NEK1: variants seen among roughly 807,000 people sequenced by gnomAD.
NEK1 encodes the protein NIMA related kinase 1.
A neutral mutation model predicts 182.1 loss-of-function variants in NEK1; 137 were observed. That is an observed-to-expected ratio of 0.75 (90% CI 0.65 to 0.87). NEK1 has a LOEUF of 0.87. Ranked by LOEUF, NEK1 falls within the 40% of genes least tolerant of loss-of-function variation. NEK1 has a pLI of 0.00. For missense variants in NEK1, 1,391 were observed against 1,494.4 expected, an observed-to-expected ratio of 0.93 and a Z score of 1.14; for synonymous variants, 513 against 492.2, an observed-to-expected ratio of 1.04 and a Z score of -0.56.
intron 23 of NEK1, among the ~76,000 whole-genome samples, chr4:169,495,019 A>T (rs927810045): frequency 1.3e-5 from 2 of 151,768 alleles, no homozygotes; most frequent in Admixed American, 1.3e-4. Flanking sequence ...GGTTGCAAAA[A>T]TTTTCTCCCA....
At chr4:169,445,015 A>C (rs1010000314) in intron 27 of NEK1, among the ~76,000 whole-genome samples, 2 of 152,218 alleles carry the variant, frequency 1.3e-5, no homozygotes, top group African/African-American at 4.8e-5. Context: ...GAGTCAACGA[A>C]GAAATTAAGA....
intron 16 of NEK1, among the ~76,000 whole-genome samples, chr4:169,556,682 C>A (rs1762200247): frequency 6.8e-6 from 1 of 146,016 alleles, no homozygotes; most frequent in Non-Finnish European, 1.5e-5. Context: ...CTATGGTAAA[C>A]AAGTGACAAC....
chr4:169,556,875 T>C (rs1762239050), intron 16 of NEK1, among the ~76,000 whole-genome samples: 1 of 151,968 alleles, frequency 6.6e-6, no homozygotes, highest in Non-Finnish European at 1.5e-5. Context: ...AAATAATCAA[T>C]GTATGTATAT....
chr4:169,417,243 G>A (rs1734692808), intron 31 of NEK1, among the ~76,000 whole-genome samples: 1 of 152,208 alleles, frequency 6.6e-6, no homozygotes, highest in Non-Finnish European at 1.5e-5. Flanking sequence ...AAAGGAAAAT[G>A]TTAGAATGAG....
In NEK1 at chr4:169,496,212, A is replaced by G. The variant is rs567750220; in HGVS notation, c.2007+10825T>C. 4.9e-3 allele frequency among the ~76,000 whole-genome samples: 746 copies of G among 152,096 alleles called. 3 individuals are homozygous for G. Among genetic ancestry groups the G allele is most frequent in the Non-Finnish European group, 8.4e-3 (569 of 68,010 alleles). On this transcript the variant is annotated intron_variant, in intron 23 of 35. Transcript: ENST00000507142. ...TGATTTGGCTCTCTGTTTGTCTGTT[A>G]TTGGTGTATAAGACTGCTTGTGATT...
At chr4:169,447,860 C>G (rs1234110008) in intron 27 of NEK1, among the ~76,000 whole-genome samples, 1 of 151,952 alleles carries the variant, frequency 6.6e-6, no homozygotes, top group East Asian at 1.9e-4. Flanking sequence ...CGGAGTGAGA[C>G]TCTGTCTCAA....
intron 29 of NEK1, among the ~76,000 whole-genome samples, chr4:169,432,129 T>C (rs79176111): frequency 1.6e-3 from 244 of 152,176 alleles, no homozygotes; most frequent in South Asian, 6.8e-3. Flanking sequence ...AAATGAAACT[T>C]ACATTTGAAA....
intron 5 of NEK1, among the ~76,000 whole-genome samples, chr4:169,591,277 T>C (rs1308682679): frequency 6.6e-6 from 1 of 151,856 alleles, no homozygotes; most frequent in Non-Finnish European, 1.5e-5. Context: ...TCCGAGGGAC[T>C]AGGACTATAG....
intron 19 of NEK1, among the ~76,000 whole-genome samples, chr4:169,512,396 C>T (rs1355634868): frequency 6.6e-6 from 1 of 151,996 alleles, no homozygotes; most frequent in Non-Finnish European, 1.5e-5. Flanking sequence ...TGTTACCTGC[C>T]ATATGTATAT....
At chr4:169,583,705 C>CA (rs1262190004) in intron 10 of NEK1, among the ~76,000 whole-genome samples, 3 of 151,900 alleles carry the variant, frequency 2.0e-5, no homozygotes, top group Admixed American at 6.6e-5. Context: ...TAGTGGCTGC[C>CA]AAAAAAACAA....
At chr4:169,504,350 C>T (rs1327346009) in intron 23 of NEK1, among the ~76,000 whole-genome samples, 9 of 152,128 alleles carry the variant, frequency 5.9e-5, no homozygotes. Flanking sequence ...AAAAATAGAA[C>T]TACCATACAA....
intron 23 of NEK1, among the ~76,000 whole-genome samples, chr4:169,498,724 A>G (rs1330356628): frequency 6.6e-6 from 1 of 152,210 alleles, no homozygotes; most frequent in African/African-American, 2.4e-5. Context: ...AGAATGTTGA[A>G]TAATGGCCCC....
intron 27 of NEK1, among the ~76,000 whole-genome samples, chr4:169,445,668 C>T (rs1295106661): frequency 6.6e-6 from 1 of 150,760 alleles, no homozygotes; most frequent in Non-Finnish European, 1.5e-5. Context: ...GATGAGGACT[C>T]CAAAAGGAAG....
At chr4:169,599,679 G>C (rs779254913) in intron 4 of NEK1, among the ~76,000 whole-genome samples, 2 of 152,000 alleles carry the variant, frequency 1.3e-5, no homozygotes, top group Non-Finnish European at 2.9e-5. Context: ...AAACTCTGAG[G>C]ATTCAACAGT....
chr4:169,499,025 A>G (rs1399350762), intron 23 of NEK1, among the ~76,000 whole-genome samples: 23 of 152,218 alleles, frequency 1.5e-4, no homozygotes, highest in East Asian at 9.6e-4. Context: ...CATTCTCCCC[A>G]TCACTTTCAG....
chr4:169,458,680 T>C (rs1045781387), intron 27 of NEK1, among the ~76,000 whole-genome samples: 3 of 151,864 alleles, frequency 2.0e-5, no homozygotes, highest in Non-Finnish European at 4.4e-5. Context: ...ATACAAAAAT[T>C]AGCCAGGCAT....
In NEK1 at chr4:169,542,900, T is replaced by C. The variant is rs151066157; in HGVS notation, c.1563-4989A>G. Among the ~76,000 whole-genome samples, 692 of 152,320 alleles carry C rather than the reference T, an allele frequency of 4.5e-3. 3 individuals carry two copies. Among genetic ancestry groups the C allele is most frequent in the Non-Finnish European group, 6.4e-3 (435 of 68,016 alleles). ...TTCTGGATATTAGCCCTTTGTCAGA[T>C]GAATAGATTGCAAAATTTTTCTCCC... is the stretch of plus-strand genomic sequence containing the variant. On this transcript the variant is annotated intron_variant, in intron 18 of 35. Coordinates refer to ENST00000507142, the MANE Select transcript of NEK1 (RefSeq NM_001199397.3).
At chr4:169,415,837 C>A (rs1446381252) in intron 31 of NEK1, among the ~76,000 whole-genome samples, 1 of 152,094 alleles carries the variant, frequency 6.6e-6, no homozygotes, top group Non-Finnish European at 1.5e-5. Flanking sequence ...GCAAAAAGAG[C>A]CCTTTAAAGT....
chr4:169,474,560 G>A (rs996805181), intron 26 of NEK1, among the ~76,000 whole-genome samples: 3 of 152,110 alleles, frequency 2.0e-5, no homozygotes, highest in Admixed American at 6.5e-5. Flanking sequence ...TAATGACACT[G>A]CTTTTACCAA....
Sources: gnomAD v4.1 joint callset for allele counts (sites outside exome capture counted in the v4.1 genomes callset) on GRCh38, gnomAD v4.1.1 for gene constraint, MANE v1.5 for transcripts, NCBI Gene and HGNC (gene_info 2026-07-23, HGNC 2026-07-21) for gene names.